ADGRB3: variants seen among roughly 807,000 people sequenced by gnomAD.
ADGRB3 encodes brain-specific angiogenesis inhibitor 3.
ADGRB3 carries 37 observed loss-of-function variants against 193.4 expected under a neutral mutation model. The observed-to-expected ratio is 0.19, with a 90% CI of 0.15 to 0.25. The LOEUF is 0.25. ADGRB3 is among the 10% of genes least tolerant of loss of function. The probability of loss-of-function intolerance (pLI) is 1.00; values close to 1 mark genes in which losing one functional copy is unlikely to be tolerated. For synonymous variants in ADGRB3, 690 were observed against 644.2 expected (o/e 1.07, Z -1.08); for missense variants, 1,637 against 1,852.9 (o/e 0.88, Z 2.14).
intron 3 of ADGRB3, among the ~76,000 whole-genome samples, chr6:68,875,039 CCTCCT>C (rs1562066535): frequency 4.1e-5 from 6 of 145,324 alleles, no homozygotes; most frequent in African/African-American, 1.5e-4. Flanking sequence ...TTCTTTCTTT[CCTCCT>C]TCCTTCCTTC....
At chr6:68,834,121 T>C (rs191652324) in intron 3 of ADGRB3, among the ~76,000 whole-genome samples, 119 of 150,964 alleles carry the variant, frequency 7.9e-4, no homozygotes, top group African/African-American at 2.4e-3. Flanking sequence ...CAAAGAAAAA[T>C]AACATGCAAA....
At chr6:68,761,817 T>G (rs186334674) in intron 3 of ADGRB3, among the ~76,000 whole-genome samples, 2 of 144,394 alleles carry the variant, frequency 1.4e-5, no homozygotes, top group African/African-American at 5.3e-5. Context: ...AAATGGTAAT[T>G]GAAAATGGAA....
chr6:68,815,621 G>GTA (rs1767616833), intron 3 of ADGRB3, among the ~76,000 whole-genome samples: 1 of 145,932 alleles, frequency 6.9e-6, no homozygotes, highest in Non-Finnish European at 1.5e-5. Flanking sequence ...GTGTGTGTGT[G>GTA]TGTGTGTGTG....
chr6:69,383,438 C>G (rs779878994), intron 31 of ADGRB3, among the ~76,000 whole-genome samples: 8 of 152,082 alleles, frequency 5.3e-5, no homozygotes, highest in Non-Finnish European at 1.2e-4. Context: ...TGTGACCATT[C>G]TCTTCTCATT....
intron 17 of ADGRB3, among the ~76,000 whole-genome samples, chr6:69,196,390 C>G (rs868190373): frequency 6.6e-6 from 1 of 152,054 alleles, no homozygotes; most frequent in African/African-American, 2.4e-5. Context: ...GCTTAGACAA[C>G]AGAAATTTAA....
chr6:69,293,939 G>A (rs1046308656), intron 20 of ADGRB3, among the ~76,000 whole-genome samples: 1 of 152,010 alleles, frequency 6.6e-6, no homozygotes, highest in Non-Finnish European at 1.5e-5. Flanking sequence ...GTGGAGCCCA[G>A]ATCAGAGTTC....
intron 17 of ADGRB3, among the ~76,000 whole-genome samples, chr6:69,204,735 T>G (rs919253594): frequency 4.6e-5 from 7 of 152,172 alleles, no homozygotes; most frequent in Admixed American, 3.3e-4. Context: ...ATTGCCACCG[T>G]TAATTGTTGG....
At chr6:69,017,000 T>A (rs186788601) in intron 12 of ADGRB3, among the ~76,000 whole-genome samples, 39 of 152,030 alleles carry the variant, frequency 2.6e-4, no homozygotes, top group African/African-American at 8.7e-4. Flanking sequence ...TTAGGCACAT[T>A]CTTGAAAGTG....
At chr6:69,375,353 A>G (rs1283964125) in intron 30 of ADGRB3, among the ~76,000 whole-genome samples, 1 of 152,076 alleles carries the variant, frequency 6.6e-6, no homozygotes, top group East Asian at 1.9e-4. Flanking sequence ...TATAGTAGGT[A>G]ATGAAAGTCC....
chr6:68,886,120 T>C (rs957927497), intron 3 of ADGRB3, among the ~76,000 whole-genome samples: 1 of 152,116 alleles, frequency 6.6e-6, no homozygotes, highest in Non-Finnish European at 1.5e-5. Flanking sequence ...GTTACAGTAA[T>C]AGTAGTGTTA....
chr6:68,991,293 G>A (rs1022476616), intron 10 of ADGRB3, among the ~76,000 whole-genome samples: 4 of 151,954 alleles, frequency 2.6e-5, no homozygotes, highest in African/African-American at 9.7e-5. Flanking sequence ...GTTGAATAAG[G>A]TTCTAGATAA....
At chr6:68,960,878 T>C (rs1768213625) in intron 8 of ADGRB3, among the ~76,000 whole-genome samples, 1 of 152,164 alleles carries the variant, frequency 6.6e-6, no homozygotes, top group South Asian at 2.1e-4. Context: ...ATGCTGAAGA[T>C]GCTGGTCTGC....
intron 17 of ADGRB3, among the ~76,000 whole-genome samples, chr6:69,141,130 G>GA (rs1457042090): frequency 5.1e-5 from 5 of 97,844 alleles, no homozygotes; most frequent in Admixed American, 2.3e-4. Flanking sequence ...TTTTTTTTTG[G>GA]GGGGGGCGGT....
chr6:68,949,660 C>T (rs1442819317), intron 6 of ADGRB3, among the ~76,000 whole-genome samples: 1 of 152,112 alleles, frequency 6.6e-6, no homozygotes, highest in Non-Finnish European at 1.5e-5. Context: ...ATTTGTAACT[C>T]AAATACTGCC....
chr6:69,083,870 G>T (rs796350493), intron 17 of ADGRB3, among the ~76,000 whole-genome samples: 1 of 149,500 alleles, frequency 6.7e-6, no homozygotes, highest in East Asian at 2.0e-4. Flanking sequence ...TGCCTTCCAG[G>T]TTCCAGCGAT....
chr6:69,120,963 C>T (rs77626572), intron 17 of ADGRB3, among the ~76,000 whole-genome samples: 2,370 of 145,310 alleles, frequency 0.016, 84 homozygotes, highest in East Asian at 0.1. Flanking sequence ...AAAACTGTTT[C>T]GATATGAATT....
intron 17 of ADGRB3, among the ~76,000 whole-genome samples, chr6:69,220,427 G>A (rs184829112): frequency 3.4e-3 from 516 of 152,166 alleles, no homozygotes; most frequent in Non-Finnish European, 3.7e-3. Context: ...ACTGTTATGC[G>A]TACAGTTTCT....
At chr6:68,932,285 C>T (rs186599985) in intron 4 of ADGRB3, among the ~76,000 whole-genome samples, 11 of 152,170 alleles carry the variant, frequency 7.2e-5, no homozygotes, top group East Asian at 3.9e-4. Flanking sequence ...TTTCCAATAG[C>T]GTAACATGAT....
rs150284297 is a variant in ADGRB3, at chr6:69,302,563, G to T, written c.2815-22309G>T. On this transcript the variant is annotated intron_variant, in intron 20 of 31. Coordinates refer to ENST00000370598, the MANE Select transcript of ADGRB3 (RefSeq NM_001704.3). Reference sequence around the variant, plus strand: ...TGGTCTGTTCATCCCCAAACATAACGTCTGTAATAAGCCTCTAGATGTAAG... The same window carrying T: ...TGGTCTGTTCATCCCCAAACATAACTTCTGTAATAAGCCTCTAGATGTAAG... Among the ~76,000 whole-genome samples, 3 of 151,928 alleles carry T rather than the reference G, an allele frequency of 2.0e-5. No individual in the cohort carries two copies. In the East Asian group the frequency reaches 5.9e-4, roughly 30 times the overall value.
Sources: allele counts gnomAD v4.1 joint callset (sites outside exome capture counted in the v4.1 genomes callset), GRCh38; gene constraint gnomAD v4.1.1; transcripts MANE v1.5; gene names NCBI Gene and HGNC (gene_info 2026-07-23, HGNC 2026-07-21).